PTPRD: variants seen among roughly 807,000 people sequenced by gnomAD.
The protein encoded by PTPRD is protein tyrosine phosphatase receptor type D.
PTPRD carries 34 observed loss-of-function variants against 214.5 expected under a neutral mutation model. The ratio of observed to expected loss-of-function variants is 0.16; its 90% CI spans 0.12 to 0.21. PTPRD has a LOEUF of 0.21. Among genes scored for constraint, PTPRD ranks in the 10% least tolerant of loss-of-function variants. The pLI, the probability that PTPRD is intolerant of heterozygous loss-of-function variation, is 1.00. For missense variants in PTPRD, 2,545 were observed against 2,398.7 expected (o/e 1.06, Z -1.27); for synonymous variants, 1,128 against 845.7 (o/e 1.33, Z -5.79).
At chr9:9,301,860 C>G (rs1337734967) in intron 9 of PTPRD, among the ~76,000 whole-genome samples, 1 of 151,842 alleles carries the variant, frequency 6.6e-6, no homozygotes, top group South Asian at 2.1e-4. Context: ...TTGTGAATAA[C>G]AGGTCGATTT....
chr9:9,358,073 CA>C (rs2054552253), intron 9 of PTPRD, among the ~76,000 whole-genome samples: 1 of 151,136 alleles, frequency 6.6e-6, no homozygotes, highest in African/African-American at 2.4e-5. Context: ...ATTTTACAAG[CA>C]AGAAATTAAA....
rs201508445 is a variant in PTPRD at position 9,072,280 on chromosome 9, T to TACACACACACAC, written c.-142-53557_-142-53546dup. 1.8e-3 allele frequency among the ~76,000 whole-genome samples: 242 copies of TACACACACACAC among 135,710 alleles called. 1 individual carries two copies. Among genetic ancestry groups the TACACACACACAC allele is most frequent in the Middle Eastern group, 3.7e-3 (1 of 272 alleles). The allele number at this position is 135,710 out of a possible 152,430, so 89.0% of individuals were successfully genotyped here. On this transcript the variant is annotated intron_variant, in intron 10 of 45. Coordinates refer to ENST00000381196, the MANE Select transcript of PTPRD (RefSeq NM_002839.4). The stretch of plus-strand genomic sequence containing the variant: ...TCTCACGAACAAAGAGCTGGCAACT[T>TACACACACACAC]ACACACACACACACACACACACACA...
chr9:10,493,720 A>G (rs1410129462), intron 2 of PTPRD, among the ~76,000 whole-genome samples: 4 of 152,072 alleles, frequency 2.6e-5, no homozygotes, highest in Admixed American at 1.3e-4. Flanking sequence ...TTGGAAATTT[A>G]TAAAGTTAAA....
chr9:8,592,373 T>C (rs1011964421), intron 14 of PTPRD, among the ~76,000 whole-genome samples: 2 of 152,200 alleles, frequency 1.3e-5, no homozygotes, highest in Admixed American at 6.5e-5. Context: ...GTGTCAGTGA[T>C]AATGAACAAT....
intron 14 of PTPRD, among the ~76,000 whole-genome samples, chr9:8,534,588 G>A (rs2076474656): frequency 6.6e-6 from 1 of 150,646 alleles, no homozygotes; most frequent in Admixed American, 6.7e-5. Context: ...AATGATAGAC[G>A]AGTAATATGC....
At chr9:9,735,940 T>G (rs1349899027) in intron 6 of PTPRD, among the ~76,000 whole-genome samples, 1 of 152,172 alleles carries the variant, frequency 6.6e-6, no homozygotes, top group Admixed American at 6.5e-5. Flanking sequence ...TCAATGCTCA[T>G]GTAATTATTA....
At chr9:8,724,020 AC>A (rs988120637) in intron 12 of PTPRD, among the ~76,000 whole-genome samples, 2 of 152,202 alleles carry the variant, frequency 1.3e-5, no homozygotes, top group Admixed American at 1.3e-4. Flanking sequence ...TTATGAGAGA[AC>A]AAAGCTAAAT....
intron 7 of PTPRD, among the ~76,000 whole-genome samples, chr9:9,671,608 G>T (rs898562932): frequency 6.6e-6 from 1 of 152,172 alleles, no homozygotes; most frequent in Non-Finnish European, 1.5e-5. Flanking sequence ...GAGGGACCCA[G>T]TGGGAGATAA....
At chr9:8,706,465 A>G (rs776352469) in intron 12 of PTPRD, among the ~76,000 whole-genome samples, 5 of 152,176 alleles carry the variant, frequency 3.3e-5, no homozygotes, top group Non-Finnish European at 7.3e-5. Flanking sequence ...GGTTTTGCCA[A>G]TTCAATTCAC....
intron 9 of PTPRD, among the ~76,000 whole-genome samples, chr9:9,187,353 T>G (rs62529521): frequency 0.13 from 19,196 of 152,050 alleles, 1,342 homozygotes; most frequent in South Asian, 0.27. Flanking sequence ...GATTCAAGTA[T>G]AAGGATAGTC....
Position 9,432,047 on chromosome 9 carries a change from TATAATAATAATA to T in PTPRD, c.-236-34577_-236-34566del, listed in dbSNP as rs373767588. 7.9e-3 allele frequency among the ~76,000 whole-genome samples: 1,087 copies of T among 138,408 alleles called. 20 individuals are homozygous for T. Among genetic ancestry groups the T allele is most frequent in the East Asian group, 0.051 (241 of 4,728 alleles). The allele number at this position is 138,408 out of a possible 152,430, so 90.8% of individuals were successfully genotyped here. A position where few individuals can be genotyped will look rare whatever the true frequency, so the allele number is the denominator to read the frequency against. On this transcript the variant is annotated intron_variant, in intron 8 of 45. Coordinates refer to ENST00000381196, the MANE Select transcript of PTPRD (RefSeq NM_002839.4). ...TGTACATGTACCCTAGAACTTAAAG[TATAATAATAATA>T]ATAATAATAATAATAATAATAATAA...
intron 11 of PTPRD, among the ~76,000 whole-genome samples, chr9:8,740,101 A>T (rs568632854): frequency 3.2e-4 from 49 of 152,226 alleles, no homozygotes; most frequent in African/African-American, 7.2e-4. Flanking sequence ...CATTTTTTTT[A>T]AATTATTTCA....
chr9:8,812,653 T>C (rs1345358069), intron 11 of PTPRD, among the ~76,000 whole-genome samples: 3 of 152,012 alleles, frequency 2.0e-5, no homozygotes, highest in Non-Finnish European at 4.4e-5. Flanking sequence ...ATGTTGACCT[T>C]CAACCCACTG....
At chr9:9,208,870 C>A (rs578175112) in intron 9 of PTPRD, among the ~76,000 whole-genome samples, 1 of 151,626 alleles carries the variant, frequency 6.6e-6, no homozygotes, top group East Asian at 2.0e-4. Flanking sequence ...TACAGTGGCG[C>A]GATCCCGGCT....
At chr9:10,508,396 C>T (rs1251131316) in intron 2 of PTPRD, among the ~76,000 whole-genome samples, 2 of 152,146 alleles carry the variant, frequency 1.3e-5, no homozygotes, top group African/African-American at 4.8e-5. Flanking sequence ...GGCGATTCCT[C>T]AGGGATCTAG....
chr9:9,937,076 T>C (rs2089760175), intron 5 of PTPRD, among the ~76,000 whole-genome samples: 1 of 151,764 alleles, frequency 6.6e-6, no homozygotes, highest in African/African-American at 2.4e-5. Context: ...GGACTGTTGT[T>C]GGGTTGGGGG....
intron 5 of PTPRD, among the ~76,000 whole-genome samples, chr9:9,836,630 T>C (rs189682127): frequency 6.0e-4 from 92 of 152,230 alleles, no homozygotes; most frequent in African/African-American, 1.9e-3. Flanking sequence ...GAGAGTAACA[T>C]AGAGAAAAAC....
chr9:9,414,075 C>T (rs1048276497), intron 8 of PTPRD, among the ~76,000 whole-genome samples: 3 of 152,176 alleles, frequency 2.0e-5, no homozygotes, highest in African/African-American at 2.4e-5. Flanking sequence ...TTTAAAACAA[C>T]GTTTGATTGG....
intron 33 of PTPRD, 121 bp from the exon 34 acceptor site, chr9:8,449,958 C>T (rs2095871413): frequency 1.1e-6 from 1 of 938,820 alleles, no homozygotes; most frequent in Non-Finnish European, 1.6e-6. Context: ...AACTTTTCAA[C>T]CCAGCTGACT....
Sources: gnomAD v4.1 joint callset for allele counts (sites outside exome capture counted in the v4.1 genomes callset) on GRCh38, gnomAD v4.1.1 for gene constraint, MANE v1.5 for transcripts, NCBI Gene and HGNC (gene_info 2026-07-23, HGNC 2026-07-21) for gene names.